Variants in VTI1A observed in about 807,000 individuals in gnomAD.
The protein encoded by VTI1A is vesicle transport through interaction with t-SNAREs homolog 1A.
In VTI1A, 22 loss-of-function variants were observed where a neutral mutation model predicts 34.9. The ratio of observed to expected loss-of-function variants is 0.63; its 90% CI spans 0.45 to 0.90. The LOEUF is 0.90. VTI1A is among the 40% of genes least tolerant of loss of function. The pLI is 0.00. For synonymous variants in VTI1A, 87 were observed against 97.3 expected, an observed-to-expected ratio of 0.89 and a Z score of 0.62; for missense variants, 268 against 275.6, an observed-to-expected ratio of 0.97 and a Z score of 0.20.
At chr10:112,473,019 G>A (rs1353871036) in intron 3 of VTI1A, among the ~76,000 whole-genome samples, 1 of 147,844 alleles carries the variant, frequency 6.8e-6, no homozygotes, top group African/African-American at 2.5e-5. Flanking sequence ...TTTGATTTTG[G>A]TTTGTTTTTT....
intron 7 of VTI1A, among the ~76,000 whole-genome samples, chr10:112,670,265 A>G (rs1847800275): frequency 2.0e-5 from 3 of 152,102 alleles, no homozygotes; most frequent in Admixed American, 6.6e-5. Context: ...CATTTTGTCA[A>G]ATCTCATTAA....
chr10:112,632,659 G>T (rs766462516), intron 5 of VTI1A, among the ~76,000 whole-genome samples: 17 of 152,172 alleles, frequency 1.1e-4, no homozygotes, highest in Non-Finnish European at 2.1e-4. Flanking sequence ...TGACTATAGT[G>T]TACCGGCCAG....
chr10:112,702,792 GCCAGGCTGGTGTTGAACT>G (rs1415914602), intron 7 of VTI1A, among the ~76,000 whole-genome samples: 3 of 152,180 alleles, frequency 2.0e-5, no homozygotes, highest in African/African-American at 7.2e-5. Flanking sequence ...CACCATATTG[GCCAGGCTGGTGTTGAACT>G]CCTAGGCTCA....
chr10:112,531,093 ACACACACACACGTGCG>A (rs1172990037), intron 4 of VTI1A, among the ~76,000 whole-genome samples: 3 of 148,376 alleles, frequency 2.0e-5, no homozygotes, highest in African/African-American at 7.5e-5. Flanking sequence ...ACACACACAC[ACACACACACACGTGCG>A]CACGTGCGCG....
Position 112,668,263 on chromosome 10 carries a change from A to G in VTI1A, c.473A>G (p.Glu158Gly), listed in dbSNP as rs1847716555. ...EMLENLSHDR[E>G]KIQRARERLR... Reference sequence around the variant, plus strand: ...TTGGAAAACCTTAGTCATGACAGAGAAAAGATACAGCGAGCACGTGAAAGA... The same window carrying G: ...TTGGAAAACCTTAGTCATGACAGAGGAAAGATACAGCGAGCACGTGAAAGA... Residue 158 changes from glutamate (E) to glycine (G), a missense_variant, in exon 6 of 8, where the codon GAA becomes GGA. Coordinates refer to ENST00000393077, the MANE Select transcript of VTI1A (RefSeq NM_145206.4). The G allele has an allele frequency of 1.2e-6, 2 of 1,612,570 alleles. No homozygotes were observed. The highest frequency in any genetic ancestry group is 1.1e-5 in the South Asian group (1 of 90,994).
At chr10:112,609,176 A>G (rs1845199739) in intron 5 of VTI1A, among the ~76,000 whole-genome samples, 1 of 152,162 alleles carries the variant, frequency 6.6e-6, no homozygotes, top group Non-Finnish European at 1.5e-5. Flanking sequence ...AATCCTACCA[A>G]AAAGCTGGGC....
intron 4 of VTI1A, among the ~76,000 whole-genome samples, chr10:112,534,473 C>A (rs1850553705): frequency 6.6e-6 from 1 of 151,902 alleles, no homozygotes; most frequent in Admixed American, 6.6e-5. Flanking sequence ...AATTTGACTG[C>A]ATTGATTGAG....
intron 7 of VTI1A, among the ~76,000 whole-genome samples, chr10:112,702,932 C>T (rs1423069587): frequency 6.6e-6 from 1 of 152,056 alleles, no homozygotes; most frequent in Non-Finnish European, 1.5e-5. Flanking sequence ...TTAGTAGGTA[C>T]CTGGGTACTC....
chr10:112,467,018 T>TA (rs1450215958), intron 3 of VTI1A, among the ~76,000 whole-genome samples: 1 of 152,210 alleles, frequency 6.6e-6, no homozygotes, highest in African/African-American at 2.4e-5. Flanking sequence ...CATTGTAATG[T>TA]AATCACCTCT....
At chr10:112,456,269 A>T (rs1847520590) in intron 1 of VTI1A, among the ~76,000 whole-genome samples, 3 of 152,020 alleles carry the variant, frequency 2.0e-5, no homozygotes, top group African/African-American at 7.3e-5. Flanking sequence ...ATATAATACA[A>T]AAATTAGCTG....
At chr10:112,605,113 G>A (rs1227469235) in intron 5 of VTI1A, among the ~76,000 whole-genome samples, 1 of 152,098 alleles carries the variant, frequency 6.6e-6, no homozygotes, top group African/African-American at 2.4e-5. Flanking sequence ...AGCCAAACCA[G>A]ACTTTCCATC....
intron 5 of VTI1A, among the ~76,000 whole-genome samples, chr10:112,611,999 C>T (rs559684903): frequency 4.6e-5 from 7 of 151,982 alleles, no homozygotes; most frequent in East Asian, 1.9e-4. Context: ...CCTCGGCCTC[C>T]GAAAGTGCTG....
At chr10:112,571,315 T>A (rs1474730308) in intron 5 of VTI1A, among the ~76,000 whole-genome samples, 3 of 152,184 alleles carry the variant, frequency 2.0e-5, no homozygotes, top group African/African-American at 7.2e-5. Flanking sequence ...CAGTGATTCA[T>A]CTTAAGGAAA....
intron 3 of VTI1A, among the ~76,000 whole-genome samples, chr10:112,526,075 G>A (rs565286129): frequency 6.6e-6 from 1 of 152,264 alleles, no homozygotes; most frequent in East Asian, 1.9e-4. Context: ...TTTTCTTAGT[G>A]AATTCTGAAG....
At chr10:112,827,327 G>C in the VTI1A span, 1 of 152,128 alleles carries the variant, frequency 6.6e-6, no homozygotes, top group Admixed American at 6.5e-5. Flanking sequence ...CTTAGGCTGT[G>C]GGTGTCAGGA....
chr10:112,844,124 A>G, the VTI1A span, among the ~76,000 whole-genome samples: 6 of 152,204 alleles, frequency 3.9e-5, no homozygotes, highest in African/African-American at 9.6e-5. Flanking sequence ...GTCTGCTGCT[A>G]TAAATAAAAA....
the VTI1A span, among the ~76,000 whole-genome samples, chr10:112,850,972 T>G: frequency 6.6e-6 from 1 of 152,192 alleles, no homozygotes; most frequent in East Asian, 1.9e-4. Flanking sequence ...TATGCCCTAG[T>G]GTGTCAGATT....
chr10:112,700,020 G>A (rs1469697706), intron 7 of VTI1A, among the ~76,000 whole-genome samples: 1 of 149,398 alleles, frequency 6.7e-6, no homozygotes, highest in East Asian at 2.0e-4. Flanking sequence ...TCGAGAGGCT[G>A]AGGCAGAGAA....
At chr10:112,802,778 G>C (rs1000281148) in intron 7 of VTI1A, among the ~76,000 whole-genome samples, 2 of 152,132 alleles carry the variant, frequency 1.3e-5, no homozygotes, top group African/African-American at 4.8e-5. Context: ...ATTTCGCCAA[G>C]TAAGAGAAAG....
Sources: gnomAD v4.1 joint callset for allele counts (sites outside exome capture counted in the v4.1 genomes callset) on GRCh38, gnomAD v4.1.1 for gene constraint, MANE v1.5 for transcripts, NCBI Gene and HGNC (gene_info 2026-07-23, HGNC 2026-07-21) for gene names.